The following GALNT7 variants were observed in gnomAD, a reference collection of about 807,000 sequenced individuals.
GALNT7 encodes the protein polypeptide N-acetylgalactosaminyltransferase 7.
GALNT7 carries 60 observed loss-of-function variants against 82.1 expected under a neutral mutation model. That is an observed-to-expected ratio of 0.73 (90% CI 0.59 to 0.91). The LOEUF (loss-of-function observed/expected upper bound fraction) is 0.91, where lower values mean the gene tolerates loss of function less well. GALNT7 is among the 40% of genes least tolerant of loss of function. The pLI is 0.00. For missense variants in GALNT7, 660 were observed against 804.2 expected, an observed-to-expected ratio of 0.82 and a Z score of 2.17; for synonymous variants, 243 against 275.1, an observed-to-expected ratio of 0.88 and a Z score of 1.15.
chr4:173,300,374 G>T (rs1382199741), intron 6 of GALNT7, among the ~76,000 whole-genome samples: 1 of 152,146 alleles, frequency 6.6e-6, no homozygotes, highest in African/African-American at 2.4e-5. Flanking sequence ...AACAGCAGCT[G>T]TGATAAGTAG....
intron 2 of GALNT7, among the ~76,000 whole-genome samples, chr4:173,251,438 C>CA (rs1323359019): frequency 6.6e-6 from 1 of 152,212 alleles, no homozygotes; most frequent in Non-Finnish European, 1.5e-5. Context: ...TTGTTGTCAA[C>CA]ATTCGAATGT....
chr4:173,184,980 C>T (rs1732422099), intron 1 of GALNT7, among the ~76,000 whole-genome samples: 1 of 152,148 alleles, frequency 6.6e-6, no homozygotes, highest in South Asian at 2.1e-4. Flanking sequence ...CTGGTACTAT[C>T]CATTTAGATA....
chr4:173,307,808 G>A (rs552185324), intron 8 of GALNT7, among the ~76,000 whole-genome samples: 1 of 152,330 alleles, frequency 6.6e-6, no homozygotes, highest in East Asian at 1.9e-4. Context: ...GTGGCTTCAG[G>A]ATCAGGGCTC....
chr4:173,209,309 G>A (rs1255520010), intron 1 of GALNT7, among the ~76,000 whole-genome samples: 2 of 152,226 alleles, frequency 1.3e-5, no homozygotes, highest in Non-Finnish European at 2.9e-5. Flanking sequence ...TTTGAATGAG[G>A]CTGCCTTGGT....
At position 173,302,787 on chromosome 4, in the gene GALNT7, C is replaced by T. The variant is rs757290858; in HGVS notation, c.1266+623C>T. On this transcript the variant is annotated intron_variant, in intron 7 of 11. Transcript: ENST00000265000. The surrounding 1 kb of genome is among the most constrained non-coding windows in gnomAD (Gnocchi z 4.2). ...CTTGTCTTAAATGTCCTGTGCGTAGCACTGTGAGGGATAGAAGAGGAGTAA... is the reference window on the plus strand; with the variant it reads ...CTTGTCTTAAATGTCCTGTGCGTAGTACTGTGAGGGATAGAAGAGGAGTAA... Among the ~76,000 whole-genome samples the T allele has an allele frequency of 7.2e-5, 11 of 152,206 alleles. No individual in the cohort carries two copies. Among genetic ancestry groups the T allele is most frequent in the Non-Finnish European group, 1.2e-4 (8 of 68,042 alleles).
At chr4:173,253,989 C>T (rs1329997356) in intron 2 of GALNT7, among the ~76,000 whole-genome samples, 1 of 152,162 alleles carries the variant, frequency 6.6e-6, no homozygotes, top group Non-Finnish European at 1.5e-5. Context: ...TATTCTGATT[C>T]AAACAAATGA....
intron 1 of GALNT7, among the ~76,000 whole-genome samples, chr4:173,241,153 T>C (rs1734417186): frequency 6.6e-6 from 1 of 151,230 alleles, no homozygotes; most frequent in Non-Finnish European, 1.5e-5. Context: ...GCAAGATTGC[T>C]TGATCCCAGT....
chr4:173,321,777 AC>A lies in GALNT7; in HGVS notation c.*62del. 1 of 1,114,998 alleles carries A rather than the reference AC, an allele frequency of 9.0e-7. No homozygotes were observed. The allele number at this position is 1,114,998 out of a possible 1,614,324, so 69.1% of individuals were successfully genotyped here. On this transcript the variant is annotated 3_prime_UTR_variant, in exon 12 of 12. Transcript: ENST00000265000. ...CAAGTAAATTTATACAGGACTGAAA[AC>A]CGCCTGAAACCTGCTGCAACTATTG...
intron 1 of GALNT7, among the ~76,000 whole-genome samples, chr4:173,245,359 C>T (rs977215591): frequency 5.9e-5 from 9 of 151,974 alleles, no homozygotes; most frequent in African/African-American, 1.7e-4. Flanking sequence ...TAAACTATGG[C>T]GTGTATTTCA....
intron 1 of GALNT7, among the ~76,000 whole-genome samples, chr4:173,203,882 A>G (rs1733015793): frequency 6.6e-6 from 1 of 152,256 alleles, no homozygotes; most frequent in Non-Finnish European, 1.5e-5. Flanking sequence ...ATACACCACT[A>G]TCACAGTATT....
At chr4:173,293,138 A>G (rs1285884597) in intron 3 of GALNT7, among the ~76,000 whole-genome samples, 1 of 152,192 alleles carries the variant, frequency 6.6e-6, no homozygotes, top group Non-Finnish European at 1.5e-5. Flanking sequence ...GAACCTCTAT[A>G]TTATTAATAC....
intron 2 of GALNT7, among the ~76,000 whole-genome samples, chr4:173,258,069 C>T (rs552207766): frequency 1.3e-5 from 2 of 152,348 alleles, no homozygotes; most frequent in South Asian, 4.1e-4. Context: ...GACAGAGAAA[C>T]TCTCTTGAAA....
chr4:173,179,304 AC>A (rs1475971372), intron 1 of GALNT7, among the ~76,000 whole-genome samples: 1 of 152,134 alleles, frequency 6.6e-6, no homozygotes, highest in Admixed American at 6.6e-5. Context: ...TATTTATTAA[AC>A]TGTTTGTATT....
chr4:173,308,818 G>A (rs1026730372), intron 8 of GALNT7, among the ~76,000 whole-genome samples: 2 of 152,124 alleles, frequency 1.3e-5, no homozygotes, highest in African/African-American at 2.4e-5. Context: ...CAGGAGAATC[G>A]CTTGAACCCT....
intron 2 of GALNT7, among the ~76,000 whole-genome samples, chr4:173,278,719 T>C (rs1164827940): frequency 6.6e-6 from 1 of 152,196 alleles, no homozygotes; most frequent in Non-Finnish European, 1.5e-5. Context: ...GCCAATATAA[T>C]TTTAGATTAT....
intron 6 of GALNT7, among the ~76,000 whole-genome samples, chr4:173,301,354 G>A (rs1309670359): frequency 6.6e-6 from 1 of 151,986 alleles, no homozygotes; most frequent in Non-Finnish European, 1.5e-5. Context: ...CCCAATGGTG[G>A]GAGTGACTTG....
chr4:173,285,708 CACAG>C (rs1181681902), intron 2 of GALNT7, among the ~76,000 whole-genome samples: 14 of 152,142 alleles, frequency 9.2e-5, no homozygotes, highest in African/African-American at 1.7e-4. Context: ...TGTATGACTA[CACAG>C]ACAGACAGAA....
chr4:173,229,620 C>T (rs1195398730), intron 1 of GALNT7, among the ~76,000 whole-genome samples: 1 of 152,140 alleles, frequency 6.6e-6, no homozygotes, highest in Non-Finnish European at 1.5e-5. Context: ...GTTACTTAAA[C>T]TCTGTGCCTC....
chr4:173,230,033 G>T (rs1272643771), intron 1 of GALNT7, among the ~76,000 whole-genome samples: 1 of 151,860 alleles, frequency 6.6e-6, no homozygotes, highest in Non-Finnish European at 1.5e-5. Flanking sequence ...CATTATACCA[G>T]GTAAAAGAAG....
Sources: gnomAD v4.1 joint callset for allele counts (sites outside exome capture counted in the v4.1 genomes callset) on GRCh38, gnomAD v4.1.1 for gene constraint, Gnocchi (gnomAD v3.1) non-coding constraint, MANE v1.5 for transcripts, NCBI Gene and HGNC (gene_info 2026-07-23, HGNC 2026-07-21) for gene names.